TSBP1: variants seen among roughly 807,000 people sequenced by gnomAD.
The protein encoded by TSBP1 is testis expressed basic protein 1.
In TSBP1, 56 loss-of-function variants were observed where a neutral mutation model predicts 68.8. The observed-to-expected ratio is 0.81, with a 90% CI of 0.66 to 1.02. The LOEUF (loss-of-function observed/expected upper bound fraction) is 1.02, where lower values mean the gene tolerates loss of function less well. Among genes scored for constraint, TSBP1 ranks in the 50% least tolerant of loss-of-function variants. The pLI is 0.00. For synonymous variants in TSBP1, 171 were observed against 208.7 expected (o/e 0.82, Z 1.56); for missense variants, 502 against 641.2 (o/e 0.78, Z 2.34).
intron 22 of TSBP1, among the ~76,000 whole-genome samples, chr6:32,297,142 C>A (rs763651371): frequency 3.9e-5 from 6 of 152,098 alleles, no homozygotes; most frequent in Non-Finnish European, 7.4e-5. Context: ...ATTCTAAGTT[C>A]TTTTCTTCCT....
At chr6:32,352,459 A>G (rs1403053284) in intron 8 of TSBP1, among the ~76,000 whole-genome samples, 2 of 151,960 alleles carry the variant, frequency 1.3e-5, no homozygotes, top group Non-Finnish European at 2.9e-5. Flanking sequence ...GAAACAAGGA[A>G]TTCTAATATA....
At chr6:32,297,722 C>T (rs1764854083) in intron 22 of TSBP1, among the ~76,000 whole-genome samples, 1 of 152,064 alleles carries the variant, frequency 6.6e-6, no homozygotes, top group Non-Finnish European at 1.5e-5. Flanking sequence ...TATCTTAAAC[C>T]TTTCTTTGAA....
intron 9 of TSBP1, among the ~76,000 whole-genome samples, chr6:32,344,015 C>G (rs1770672774): frequency 6.6e-6 from 1 of 150,780 alleles, no homozygotes; most frequent in South Asian, 2.1e-4. Context: ...TCTTATTTGT[C>G]TTACATTGAC....
chr6:32,326,693 C>T (rs923143317), intron 16 of TSBP1, among the ~76,000 whole-genome samples: 4 of 152,216 alleles, frequency 2.6e-5, no homozygotes, highest in African/African-American at 7.2e-5. Flanking sequence ...GATAAATCAA[C>T]GTGTACAGCC....
At chr6:32,339,605 G>T in exon 10 of TSBP1, 1 of 1,239,066 alleles carries the variant, frequency 8.1e-7, no homozygotes, top group Non-Finnish European at 1.2e-6. Flanking sequence ...CTTACAAGGA[G>T]GTTCTTCAGT....
At chr6:32,371,756 C>T (rs771153223) in exon 1 of TSBP1, 3 of 1,612,510 alleles carry the variant, frequency 1.9e-6, no homozygotes, top group East Asian at 4.5e-5. Context: ...ATTTCTTTGT[C>T]AGAGAGAGAT....
chr6:32,300,018 G>A (rs917405523), intron 21 of TSBP1, 82 bp from the exon 25 acceptor site: 4 of 1,123,722 alleles, frequency 3.6e-6, no homozygotes, highest in African/African-American at 1.5e-5. Flanking sequence ...TCCTTCCTAG[G>A]TGAACTTAGA....
chr6:32,293,631 C>T, exon 23 of TSBP1: 1 of 1,613,000 alleles, frequency 6.2e-7, no homozygotes, highest in South Asian at 1.1e-5. Flanking sequence ...GCTTCTTGTC[C>T]TTTTGGGACA....
In TSBP1 at chr6:32,325,755, T is replaced by C. The variant is rs2077002; in HGVS notation, c.515-2141A>G. On this transcript the variant is annotated intron_variant, in intron 16 of 22. Transcript: ENST00000612031. The surrounding 1 kb of genome is among the most constrained non-coding windows in gnomAD (Gnocchi z 4.4). The stretch of plus-strand genomic sequence containing the variant: ...GGCCACAACTGTGAAGTTAGGAAAG[T>C]CTGTCAAAGCAAGAGATGGCTAGTG... 797,453 of 1,122,882 alleles carry C rather than the reference T, an allele frequency of 0.71. 284,264 individuals are homozygous for C. Among genetic ancestry groups the C allele is most frequent in the South Asian group, 0.82 (66,810 of 81,854 alleles). 69.6% of individuals were successfully genotyped at this position (1,122,882 alleles called of 1,614,324 possible).
intron 18 of TSBP1, among the ~76,000 whole-genome samples, chr6:32,319,249 G>T (rs965593973): frequency 2.0e-5 from 3 of 152,122 alleles, no homozygotes; most frequent in East Asian, 1.9e-4. Context: ...CGAACAGCAG[G>T]CCCTGTTGGC....
intron 2 of TSBP1, among the ~76,000 whole-genome samples, chr6:32,369,334 T>C (rs2127667199): frequency 6.6e-6 from 1 of 151,760 alleles, no homozygotes; most frequent in African/African-American, 2.4e-5. Flanking sequence ...CAGGTAATTT[T>C]CTTTTAAAAT....
chr6:32,353,734 C>A (rs142516848), intron 8 of TSBP1, among the ~76,000 whole-genome samples: 1 of 151,744 alleles, frequency 6.6e-6, no homozygotes, highest in African/African-American at 2.4e-5. Context: ...ATAAAATCCA[C>A]GGAAAAACGA....
chr6:32,322,547 A>T, intron 18 of TSBP1, 41 bp from the exon 20 acceptor site: 1 of 1,429,360 alleles, frequency 7.0e-7, no homozygotes, highest in Non-Finnish European at 9.9e-7. Context: ...ATTTTTCTCA[A>T]ATAGAAAACA....
Position 32,367,718 on chromosome 6 carries a change from T to C in TSBP1, c.166+207A>G, listed in dbSNP as rs144390138. On this transcript the variant is annotated intron_variant, in intron 4 of 22. Transcript: ENST00000612031. ...GACAGAAGATGGAAATGAATTCTTT[T>C]GATGGTCTTAAGAAGGAGAACTATT... Among the ~76,000 whole-genome samples the C allele has an allele frequency of 6.7e-3, 1,014 of 152,296 alleles. 18 individuals carry two copies. The highest frequency in any genetic ancestry group is 0.02 in the East Asian group (102 of 5,176).
Position 32,367,916 on chromosome 6 carries a change from T to C in TSBP1, c.166+9A>G. On this transcript the variant is annotated intron_variant, in intron 4 of 22. Transcript: ENST00000612031. ...TCATTAACTGTCTAGTAGTTCCTAA[T>C]CTATTTACCTCTACCATCCTCATAG... 6.2e-7 allele frequency: 1 copy of C among 1,602,422 alleles called. No homozygotes were observed. Among genetic ancestry groups the C allele is most frequent in the Non-Finnish European group, 8.5e-7 (1 of 1,170,868 alleles).
intron 8 of TSBP1, chr6:32,350,294 TG>T (rs1771577410): frequency 2.5e-6 from 1 of 405,948 alleles, no homozygotes; most frequent in Non-Finnish European, 4.8e-6. Context: ...AGGAAGTTCT[TG>T]AATAATATTA....
At chr6:32,331,718 C>A (rs1019086295) in intron 15 of TSBP1, among the ~76,000 whole-genome samples, 1 of 151,442 alleles carries the variant, frequency 6.6e-6, no homozygotes, top group Non-Finnish European at 1.5e-5. Context: ...ACTACCCAGA[C>A]CCCTCCCGCC....
exon 2 of TSBP1, chr6:32,369,955 T>C: frequency 2.5e-6 from 4 of 1,612,292 alleles, no homozygotes; most frequent in Non-Finnish European, 3.4e-6. Flanking sequence ...CAAGTCCCAG[T>C]AGAGTCAGGA....
At chr6:32,324,712 C>T in intron 16 of TSBP1, 4 of 1,550,270 alleles carry the variant, frequency 2.6e-6, no homozygotes, top group Non-Finnish European at 2.6e-6. Context: ...TTTTGTTACC[C>T]CTTTCTTGTT....
Sources: allele counts gnomAD v4.1 joint callset (sites outside exome capture counted in the v4.1 genomes callset), GRCh38; gene constraint gnomAD v4.1.1; non-coding constraint Gnocchi (gnomAD v3.1); transcripts MANE v1.5; gene names NCBI Gene and HGNC (gene_info 2026-07-23, HGNC 2026-07-21).